The following MAPK10 variants were observed in gnomAD, a reference collection of about 807,000 sequenced individuals.
The protein encoded by MAPK10 is mitogen-activated protein kinase 10.
A neutral mutation model predicts 59.3 loss-of-function variants in MAPK10; 25 were observed. The observed-to-expected ratio is 0.42, with a 90% confidence interval of 0.31 to 0.59. MAPK10 has a LOEUF of 0.59. MAPK10 is among the 20% of genes least tolerant of loss of function. The probability of loss-of-function intolerance (pLI) is 0.15; values close to 1 mark genes in which losing one functional copy is unlikely to be tolerated. For synonymous variants in MAPK10, 190 were observed against 200.5 expected (o/e 0.95, Z 0.44); for missense variants, 351 against 568.9 (o/e 0.62, Z 3.90).
chr4:86,564,628 T>C (rs1261018110), intron 1 of MAPK10, among the ~76,000 whole-genome samples: 1 of 152,140 alleles, frequency 6.6e-6, no homozygotes, highest in Non-Finnish European at 1.5e-5. Context: ...CACTCTGCAA[T>C]GGAGAGAAAT....
At chr4:86,466,431 A>G (rs912333090) in intron 1 of MAPK10, among the ~76,000 whole-genome samples, 1 of 152,234 alleles carries the variant, frequency 6.6e-6, no homozygotes, top group African/African-American at 2.4e-5. Context: ...ACATAGCAGT[A>G]TAGTGACACC....
intron 9 of MAPK10, among the ~76,000 whole-genome samples, chr4:86,091,823 G>A (rs778297055): frequency 3.3e-5 from 5 of 151,670 alleles, no homozygotes; most frequent in Non-Finnish European, 5.9e-5. Flanking sequence ...ACAGGCACAC[G>A]CCACCACGCC....
chr4:86,179,530 C>A (rs2076434218), intron 3 of MAPK10, among the ~76,000 whole-genome samples: 1 of 151,926 alleles, frequency 6.6e-6, no homozygotes, highest in African/African-American at 2.4e-5. Flanking sequence ...CAAAAGGCCC[C>A]AAATAGCCAA....
At chr4:86,085,028 A>T (rs569393187) in intron 9 of MAPK10, among the ~76,000 whole-genome samples, 50 of 152,192 alleles carry the variant, frequency 3.3e-4, no homozygotes, top group Non-Finnish European at 6.2e-4. Flanking sequence ...ATGGTGTGGA[A>T]AAACTGGATA....
chr4:86,090,972 CAA>C (rs2053012678), intron 9 of MAPK10: 1 of 151,972 alleles, frequency 6.6e-6, no homozygotes, highest in Admixed American at 6.6e-5. Context: ...GCTAGAGAAC[CAA>C]TTCTATTACT....
intron 3 of MAPK10, among the ~76,000 whole-genome samples, chr4:86,184,781 A>G (rs1405147761): frequency 2.0e-5 from 3 of 150,952 alleles, no homozygotes; most frequent in Admixed American, 1.3e-4. Flanking sequence ...AACCAGAAGC[A>G]GATGCCTGTG....
intron 1 of MAPK10, among the ~76,000 whole-genome samples, chr4:86,369,417 T>G (rs867564788): frequency 2.6e-4 from 39 of 152,302 alleles, no homozygotes; most frequent in Middle Eastern, 6.8e-3. Context: ...GGGTCTGTCT[T>G]ATCAAACAAT....
At chr4:86,163,281 A>C (rs2070454768) in intron 3 of MAPK10, among the ~76,000 whole-genome samples, 1 of 152,126 alleles carries the variant, frequency 6.6e-6, no homozygotes. Context: ...TACAAATCTA[A>C]ATTGAGTTTT....
At position 86,524,158 on chromosome 4, in the gene MAPK10, C is replaced by CTT. The variant is rs1564986126; in HGVS notation, c.-263+69751_-263+69752insAA. Among the ~76,000 whole-genome samples the CTT allele has an allele frequency of 2.0e-5, 3 of 152,282 alleles. 1 individual carries two copies. Among genetic ancestry groups the CTT allele is most frequent in the African/African-American group, 7.2e-5 (3 of 41,570 alleles). ...ACCATGAAGTAGAAGGAGACTGAGG[C>CTT]TCTCATCATGCAGATGCCCAATCTT... On this transcript the variant is annotated intron_variant, in intron 1 of 4. Coordinates refer to the MAPK10 transcript ENST00000502302.
chr4:86,502,548 T>C (rs1018119103), intron 1 of MAPK10, among the ~76,000 whole-genome samples: 9 of 152,054 alleles, frequency 5.9e-5, no homozygotes, highest in Non-Finnish European at 1.2e-4. Context: ...CAGCATGCTC[T>C]GAGTTTTATT....
intron 2 of MAPK10, among the ~76,000 whole-genome samples, chr4:86,196,570 C>T (rs1298959924): frequency 6.6e-6 from 1 of 152,078 alleles, no homozygotes; most frequent in Non-Finnish European, 1.5e-5. Flanking sequence ...TAATTAGATC[C>T]CATTTGTCAG....
At chr4:86,143,721 A>AAATGG (rs1162212298) in intron 4 of MAPK10, among the ~76,000 whole-genome samples, 2 of 152,224 alleles carry the variant, frequency 1.3e-5, no homozygotes, top group Non-Finnish European at 2.9e-5. Flanking sequence ...AAAATGTATT[A>AAATGG]AATGGAATGG....
intron 9 of MAPK10, among the ~76,000 whole-genome samples, chr4:86,092,884 A>G (rs1472747049): frequency 6.6e-6 from 1 of 152,044 alleles, no homozygotes; most frequent in Non-Finnish European, 1.5e-5. Flanking sequence ...TCATCATTCT[A>G]TCATTCCCAT....
chr4:86,535,167 A>G (rs953620071), intron 1 of MAPK10, among the ~76,000 whole-genome samples: 5 of 152,090 alleles, frequency 3.3e-5, no homozygotes, highest in Non-Finnish European at 5.9e-5. Context: ...TTGGTAAGAG[A>G]ACGGAAATGG....
rs1741351985 is a variant in MAPK10, at chr4:86,010,514, A to G, written c.*6714T>C. On this transcript the variant is annotated 3_prime_UTR_variant, in exon 14 of 14. Coordinates refer to ENST00000641462, the MANE Select transcript of MAPK10 (RefSeq NM_138982.4). The stretch of plus-strand genomic sequence containing the variant: ...AAATGTTTTTGGAGTAAATTAATGA[A>G]CTGCTTTAGAATGTTGCTCAGAAAT... 2 of 152,244 alleles carry G rather than the reference A, an allele frequency of 1.3e-5. No homozygotes were observed. Among genetic ancestry groups the G allele is most frequent in the South Asian group, 4.1e-4 (2 of 4,832 alleles). 9.4% of individuals were successfully genotyped at this position (152,244 alleles called of 1,614,324 possible). A position where few individuals can be genotyped will look rare whatever the true frequency, so the allele number is the denominator to read the frequency against.
Position 86,563,637 on chromosome 4 carries a change from G to C in MAPK10, c.-263+30273C>G, listed in dbSNP as rs866838971. On this transcript the variant is annotated intron_variant, in intron 1 of 4. Transcript: ENST00000502302. ...ACCTCCAGTAGATGCCTGAAACCAC[G>C]GATAGTACTGAATCATATATATAGT... Among the ~76,000 whole-genome samples, 4 of 152,148 alleles carry C rather than the reference G, an allele frequency of 2.6e-5. No homozygotes were observed. The South Asian group carries it at 8.3e-4, about 32-fold the overall frequency.
chr4:86,302,525 A>C (rs1269329512), intron 2 of MAPK10, among the ~76,000 whole-genome samples: 1 of 152,344 alleles, frequency 6.6e-6, no homozygotes, highest in Middle Eastern at 3.4e-3. Flanking sequence ...ACAGCAGTGA[A>C]CTGTGTTAGT....
At chr4:86,391,001 C>T (rs1172937465) in intron 1 of MAPK10, among the ~76,000 whole-genome samples, 3 of 152,186 alleles carry the variant, frequency 2.0e-5, no homozygotes, top group Admixed American at 2.0e-4. Flanking sequence ...GTTTGCATTA[C>T]CAGTGCAACC....
chr4:86,043,210 A>G (rs918652556), intron 11 of MAPK10, among the ~76,000 whole-genome samples: 1 of 152,156 alleles, frequency 6.6e-6, no homozygotes, highest in Non-Finnish European at 1.5e-5. Flanking sequence ...GAAAAGAAAT[A>G]AGGGCTATAA....
Sources: gnomAD v4.1 joint callset for allele counts (sites outside exome capture counted in the v4.1 genomes callset) on GRCh38, gnomAD v4.1.1 for gene constraint, MANE v1.5 for transcripts, NCBI Gene and HGNC (gene_info 2026-07-23, HGNC 2026-07-21) for gene names.